STXBP5: variants seen among roughly 807,000 people sequenced by gnomAD.
STXBP5 encodes syntaxin binding protein 5.
A neutral mutation model predicts 152.4 loss-of-function variants in STXBP5; 50 were observed. The observed-to-expected ratio is 0.33, with a 90% CI of 0.26 to 0.42. The LOEUF is 0.42. Among genes scored for constraint, STXBP5 ranks in the 10% least tolerant of loss-of-function variants. The pLI, the probability that STXBP5 is intolerant of heterozygous loss-of-function variation, is 1.00. For synonymous variants in STXBP5, 492 were observed against 494.7 expected, an observed-to-expected ratio of 0.99 and a Z score of 0.07; for missense variants, 1,167 against 1,388.6, an observed-to-expected ratio of 0.84 and a Z score of 2.54.
At chr6:147,313,099 G>A (rs1473524594) in intron 11 of STXBP5, among the ~76,000 whole-genome samples, 1 of 152,058 alleles carries the variant, frequency 6.6e-6, no homozygotes, top group Non-Finnish European at 1.5e-5. Context: ...AGGTGGGAGT[G>A]GTGATAGTTG....
rs1241382150 is a variant in STXBP5 at position 147,235,286 on chromosome 6, T to C, written c.285T>C (p.His95=). ...CAGGAGTAGAATGTTATTGCCAGCATGACAGTGGAGCTGCAGTAATCCAGC... is the reference window on the plus strand; with the variant it reads ...CAGGAGTAGAATGTTATTGCCAGCACGACAGTGGAGCTGCAGTAATCCAGC... The part of the protein sequence containing the change: ...GRPGVECYCQ[H]DSGAAVIQLQ... Residue 95 remains histidine, a synonymous_variant, in exon 3 of 28, where the codon CAT becomes CAC. Coordinates refer to ENST00000321680, the MANE Select transcript of STXBP5 (RefSeq NM_001127715.4). The C allele has an allele frequency of 6.2e-7, 1 of 1,613,416 alleles. No homozygotes were observed. The highest frequency in any genetic ancestry group is 2.2e-5 in the East Asian group (1 of 44,834).
rs549107793 is a variant in STXBP5, at chr6:147,272,493, A to G, written c.714+5326A>G. 3.9e-5 allele frequency among the ~76,000 whole-genome samples: 6 copies of G among 152,308 alleles called. No individual in the cohort carries two copies. In the South Asian group the frequency reaches 1.2e-3, roughly 32 times the overall value. ...GGCTTTGTTTCCATGAGTTTGTGCT[A>G]TTCTGTCATAGAATTTGATTCTCAG... On this transcript the variant is annotated intron_variant, in intron 7 of 27. Coordinates refer to ENST00000321680, the MANE Select transcript of STXBP5 (RefSeq NM_001127715.4).
At chr6:147,303,704 G>A (rs1486967431) in intron 9 of STXBP5, among the ~76,000 whole-genome samples, 1 of 152,202 alleles carries the variant, frequency 6.6e-6, no homozygotes, top group Non-Finnish European at 1.5e-5. Context: ...AAAGATATGG[G>A]AAAGTTTCGA....
intron 9 of STXBP5, among the ~76,000 whole-genome samples, chr6:147,301,562 T>C (rs901674120): frequency 6.6e-6 from 1 of 152,224 alleles, no homozygotes; most frequent in Non-Finnish European, 1.5e-5. Context: ...ATTTTTGCTT[T>C]ATCACTGTCT....
Position 147,325,041 on chromosome 6 carries a change from C to T in STXBP5, c.1885C>T (p.Pro629Ser), listed in dbSNP as rs745942373. ...IQLVWVGGEP[P>S]QQITSLAVNS... ...GTTGGTTTGGGTGGGTGGAGAACCA[C>T]CACAACAAATAACCAGCCTGGCAGT... Residue 629 changes from proline to serine, a missense_variant, in exon 17 of 28, where the codon CCA becomes TCA. Pro to Ser is a moderately conservative substitution (Grantham distance 74). This residue lies in a region of STXBP5 where 833 missense variants were observed against 986.3 expected (regional missense o/e 0.84). Transcript: ENST00000321680. 1 of 1,592,122 alleles carries T rather than the reference C, an allele frequency of 6.3e-7. No individual in the cohort carries two copies. Among genetic ancestry groups the T allele is most frequent in the Non-Finnish European group, 8.6e-7 (1 of 1,166,724 alleles).
rs1786434594 is a variant in STXBP5, at chr6:147,388,303, T to C, written c.*3548T>C. On this transcript the variant is annotated 3_prime_UTR_variant, in exon 28 of 28. Coordinates refer to ENST00000321680, the MANE Select transcript of STXBP5 (RefSeq NM_001127715.4). ...TTTTAAAACCTTTAATAGGGTTTTA[T>C]ATAGATTTAAAAAATAGTAAAATAA... 6.6e-6 allele frequency: 1 copy of C among 151,796 alleles called. No homozygotes were observed. Among genetic ancestry groups the C allele is most frequent in the African/African-American group, 2.4e-5 (1 of 41,440 alleles). The allele number at this position is 151,796 out of a possible 1,614,324, so 9.4% of individuals were successfully genotyped here.
chr6:147,382,946 G>T lies in STXBP5; in HGVS notation c.3362G>T (p.Arg1121Ile), dbSNP rs751681955. 2 of 1,613,466 alleles carry T rather than the reference G, an allele frequency of 1.2e-6. No individual in the cohort carries two copies. The highest frequency in any genetic ancestry group is 1.7e-5 in the Admixed American group (1 of 59,894). ...CAGAAACTTGGCGATCTGGAAGAAAGAACTGCGGCCATGTTATCAAGTGCA... is the reference window on the plus strand; with the variant it reads ...CAGAAACTTGGCGATCTGGAAGAAATAACTGCGGCCATGTTATCAAGTGCA... ...RGQKLGDLEE[R>I]TAAMLSSAES... is the part of the protein sequence containing the mutation. The change falls in exon 27 of 28, where the codon AGA becomes ATA. Residue 1121 changes from arginine to isoleucine, a missense_variant. Around this residue, in one of 3 missense-constraint regions of STXBP5, gnomAD observed 833 missense variants for 986.3 expected, o/e 0.84. Transcript: ENST00000321680.
In STXBP5 at chr6:147,266,906, C is replaced by G. The variant is rs1197300443; in HGVS notation, c.631-178C>G. Reference sequence around the variant, plus strand: ...TAATCATCAAAGACATATAAATATGCCATACAGTGTTCTCATTTGTCATTT... The same window carrying G: ...TAATCATCAAAGACATATAAATATGGCATACAGTGTTCTCATTTGTCATTT... On this transcript the variant is annotated intron_variant, in intron 6 of 27. Coordinates refer to ENST00000321680, the MANE Select transcript of STXBP5 (RefSeq NM_001127715.4). 2.6e-5 allele frequency among the ~76,000 whole-genome samples: 4 copies of G among 152,070 alleles called. No individual in the cohort carries two copies. The South Asian group carries it at 6.2e-4, about 24-fold the overall frequency.
chr6:147,220,627 C>A (rs1463459844), intron 2 of STXBP5, among the ~76,000 whole-genome samples: 2 of 152,024 alleles, frequency 1.3e-5, no homozygotes, highest in Admixed American at 6.5e-5. Flanking sequence ...TTTTGTAATG[C>A]CCCACTTTAA....
Position 147,384,845 on chromosome 6 carries a change from A to G in STXBP5, c.*90A>G. 7.7e-7 allele frequency: 1 copy of G among 1,303,966 alleles called. No homozygotes were observed. The highest frequency in any genetic ancestry group is 1.1e-6 in the Non-Finnish European group (1 of 910,650). The allele number at this position is 1,303,966 out of a possible 1,614,324, so 80.8% of individuals were successfully genotyped here. Reference sequence around the variant, plus strand: ...CTTTAGGAAAGTTAACGTTAAAGGGATGTTCGTCACTGAATACTGTTCTTT... The same window carrying G: ...CTTTAGGAAAGTTAACGTTAAAGGGGTGTTCGTCACTGAATACTGTTCTTT... On this transcript the variant is annotated 3_prime_UTR_variant, in exon 28 of 28. Coordinates refer to ENST00000321680, the MANE Select transcript of STXBP5 (RefSeq NM_001127715.4).
intron 2 of STXBP5, among the ~76,000 whole-genome samples, chr6:147,222,038 A>G (rs890188277): frequency 2.0e-5 from 3 of 151,850 alleles, no homozygotes; most frequent in African/African-American, 7.3e-5. Context: ...TGTCCAGACT[A>G]CTATGGAGTC....
At chr6:147,227,606 T>C (rs937183864) in intron 2 of STXBP5, among the ~76,000 whole-genome samples, 5 of 152,204 alleles carry the variant, frequency 3.3e-5, no homozygotes, top group Admixed American at 6.5e-5. Flanking sequence ...TAGTTAATTC[T>C]GTATTTCTTG....
At chr6:147,333,951 T>C (rs887333341) in intron 18 of STXBP5, among the ~76,000 whole-genome samples, 2 of 152,240 alleles carry the variant, frequency 1.3e-5, no homozygotes, top group African/African-American at 2.4e-5. Flanking sequence ...TTATTTGTTT[T>C]AACTGATGAG....
At chr6:147,215,601 C>T (rs143622991) in intron 2 of STXBP5, among the ~76,000 whole-genome samples, 3 of 152,068 alleles carry the variant, frequency 2.0e-5, no homozygotes, top group Admixed American at 6.5e-5. Flanking sequence ...AGGTTGGTCT[C>T]GAACTCGTGA....
chr6:147,267,043 G>C (rs542200003), intron 6 of STXBP5, 41 bp from the exon 7 acceptor site: 1 of 1,467,570 alleles, frequency 6.8e-7, no homozygotes, highest in African/African-American at 1.4e-5. Flanking sequence ...TTTTATAATT[G>C]ATATCATTCC....
At chr6:147,228,505 A>G (rs1777843375) in intron 2 of STXBP5, among the ~76,000 whole-genome samples, 1 of 152,032 alleles carries the variant, frequency 6.6e-6, no homozygotes, top group Non-Finnish European at 1.5e-5. Context: ...ACTTCCATCT[A>G]AGGACCCATG....
At chr6:147,285,529 C>A (rs1780918114) in intron 8 of STXBP5, among the ~76,000 whole-genome samples, 1 of 149,692 alleles carries the variant, frequency 6.7e-6, no homozygotes, top group African/African-American at 2.5e-5. Context: ...GATGATCACT[C>A]TAAACACTGC....
chr6:147,265,193 G>T (rs1779833277), intron 6 of STXBP5, among the ~76,000 whole-genome samples: 1 of 151,992 alleles, frequency 6.6e-6, no homozygotes, highest in African/African-American at 2.4e-5. Flanking sequence ...AGATTGCCTA[G>T]GAAAGAAGAG....
intron 2 of STXBP5, among the ~76,000 whole-genome samples, chr6:147,210,760 A>ATG (rs1041887108): frequency 1.3e-5 from 2 of 152,098 alleles, no homozygotes; most frequent in African/African-American, 2.4e-5. Context: ...ATCTAATAAA[A>ATG]TGTGTGTGTG....
Sources: allele counts gnomAD v4.1 joint callset (sites outside exome capture counted in the v4.1 genomes callset), GRCh38; gene constraint gnomAD v4.1.1; regional missense constraint gnomAD v4.1.1; transcripts MANE v1.5; gene names NCBI Gene and HGNC (gene_info 2026-07-23, HGNC 2026-07-21).